MMP28: variants seen among roughly 807,000 people sequenced by gnomAD.
The protein encoded by MMP28 is matrix metallopeptidase 28, also known as matrix metalloproteinase-28.
Under a neutral mutation model 60.5 loss-of-function variants are expected in MMP28, and 55 were observed. The observed-to-expected ratio is 0.91, with a 90% CI of 0.73 to 1.14. MMP28 has a LOEUF of 1.14. MMP28 is among the 50% of genes most tolerant of loss of function. The pLI is 0.00. For synonymous variants in MMP28, 318 were observed against 312.5 expected (o/e 1.02, Z -0.18); for missense variants, 686 against 738.3 (o/e 0.93, Z 0.82).
intron 1 of MMP28, among the ~76,000 whole-genome samples, chr17:35,784,688 G>A (rs962448733): frequency 3.3e-5 from 5 of 152,176 alleles, no homozygotes; most frequent in Non-Finnish European, 7.4e-5. Context: ...TGGAGCTCCA[G>A]TTCTTACCCC....
chr17:35,770,995 G>A (rs906947393), intron 4 of MMP28, among the ~76,000 whole-genome samples: 1 of 152,154 alleles, frequency 6.6e-6, no homozygotes, highest in Non-Finnish European at 1.5e-5. Context: ...CAAGGCTGCG[G>A]TGAGCTGTGA....
intron 3 of MMP28, among the ~76,000 whole-genome samples, chr17:35,777,442 G>A (rs1555607905): frequency 6.6e-6 from 1 of 152,192 alleles, no homozygotes; most frequent in African/African-American, 2.4e-5. Flanking sequence ...TGGGCATATA[G>A]GTGAAGCAGA....
chr17:35,773,518 C>T (rs1224984240), intron 3 of MMP28, 114 bp from the exon 4 acceptor site: 20 of 936,812 alleles, frequency 2.1e-5, no homozygotes, highest in East Asian at 1.3e-4. Context: ...CCTCGTCTGA[C>T]GGGGAAGACA....
chr17:35,795,630 C>G lies in MMP28; in HGVS notation c.-253G>C. Reference sequence around the variant, plus strand: ...CCGCGGGTCCGCCGGCCCCGGGGACCGAGGGAGGGAGGAAGGAAAGGCAGG... The same window carrying G: ...CCGCGGGTCCGCCGGCCCCGGGGACGGAGGGAGGGAGGAAGGAAAGGCAGG... On this transcript the variant is annotated 5_prime_UTR_variant, in exon 1 of 8. Transcript: ENST00000605424. 1 of 341,868 alleles carries G rather than the reference C, an allele frequency of 2.9e-6. No individual in the cohort carries two copies. Among genetic ancestry groups the G allele is most frequent in the Non-Finnish European group, 5.3e-6 (1 of 189,518 alleles). 21.2% of individuals were successfully genotyped at this position (341,868 alleles called of 1,614,324 possible).
rs762709550 is a variant in MMP28 at position 35,766,598 on chromosome 17, C to G, written c.1465G>C (p.Asp489His). The G allele has an allele frequency of 4.3e-6, 7 of 1,612,456 alleles. No homozygotes were observed. The South Asian group carries it at 5.5e-5, about 13-fold the overall frequency. The change falls in exon 8 of 8, where the codon GAC becomes CAC. Residue 489 changes from aspartate to histidine, a missense_variant. Asp to His is a moderately conservative substitution (Grantham distance 81). Transcript: ENST00000605424. The surrounding 1 kb of genome is among the most constrained non-coding windows in gnomAD (Gnocchi z 4.3). ...GTGGTTGCCTGCAGTTTGGCCTGGT[C>G]GAGGCGCCAGTAGCGGTCATCTCGG... ...FFRDDRYWRL[D>H]QAKLQATTSG...
At position 35,782,057 on chromosome 17, in the gene MMP28, T is replaced by C. The variant is rs189057972; in HGVS notation, c.112-2734A>G. Among the ~76,000 whole-genome samples, 30 of 149,984 alleles carry C rather than the reference T, an allele frequency of 2.0e-4. No homozygotes were observed. The East Asian group carries it at 4.7e-3, about 23-fold the overall frequency. ...TACCATGTTGTATTTCTCTCTTTTT[T>C]TTTTTTTTTTTTGAGACAGAGTCTC... On this transcript the variant is annotated intron_variant, in intron 1 of 7. Coordinates refer to ENST00000605424, the MANE Select transcript of MMP28 (RefSeq NM_024302.5).
At chr17:35,768,605 A>G (rs376624230) in intron 5 of MMP28, among the ~76,000 whole-genome samples, 68 of 152,094 alleles carry the variant, frequency 4.5e-4, no homozygotes, top group African/African-American at 1.4e-3. Flanking sequence ...TGAGGTTAGG[A>G]GTTTGAGACC....
intron 2 of MMP28, among the ~76,000 whole-genome samples, chr17:35,759,265 G>A (rs2085774791): frequency 6.6e-6 from 1 of 152,184 alleles, no homozygotes; most frequent in Non-Finnish European, 1.5e-5. Context: ...AATTCTCCTT[G>A]AGCCTTTTGT....
At chr17:35,763,506 G>C (rs377068852), downstream of MMP28, among the ~76,000 whole-genome samples, 1 of 142,512 alleles carries the variant, frequency 7.0e-6, no homozygotes, top group South Asian at 2.2e-4. Flanking sequence ...CACTGGTCTC[G>C]AACTCTTGAG....
chr17:35,779,225 C>T lies in MMP28; in HGVS notation c.191+19G>A. 1 of 1,602,964 alleles carries T rather than the reference C, an allele frequency of 6.2e-7. No individual in the cohort carries two copies. The highest frequency in any genetic ancestry group is 8.5e-7 in the Non-Finnish European group (1 of 1,174,770). Reference sequence around the variant, plus strand: ...TCCTAGCACCCCTACCCCAAGTCCTCCACATCCCTCCACCCTACCTGATGG... The same window carrying T: ...TCCTAGCACCCCTACCCCAAGTCCTTCACATCCCTCCACCCTACCTGATGG... On this transcript the variant is annotated intron_variant, in intron 2 of 7. Transcript: ENST00000605424.
At chr17:35,785,997 A>G (rs1555610368) in intron 1 of MMP28, among the ~76,000 whole-genome samples, 1 of 151,764 alleles carries the variant, frequency 6.6e-6, no homozygotes, top group African/African-American at 2.4e-5. Context: ...CTCTATGTTC[A>G]TGGAGCTTTA....
At chr17:35,768,010 A>G in intron 6 of MMP28, 91 bp from the exon 7 acceptor site, 13 of 1,422,244 alleles carry the variant, frequency 9.1e-6, no homozygotes, top group Non-Finnish European at 1.2e-5. Context: ...AGTTTCCCAA[A>G]TGGACAAGCA....
chr17:35,773,897 G>T (rs2086247191), intron 3 of MMP28, among the ~76,000 whole-genome samples: 1 of 152,088 alleles, frequency 6.6e-6, no homozygotes, highest in African/African-American at 2.4e-5. Flanking sequence ...CTCTCTTCAG[G>T]CCTCACACCC....
intron 1 of MMP28, among the ~76,000 whole-genome samples, chr17:35,787,171 A>C (rs2086676371): frequency 1.3e-5 from 2 of 152,218 alleles, no homozygotes; most frequent in East Asian, 1.9e-4. Context: ...GGGTTAGAGC[A>C]GAGGAAAGAA....
At chr17:35,769,954 G>T (rs1466503923) in intron 5 of MMP28, 113 bp downstream of exon 5, 3 of 1,354,648 alleles carry the variant, frequency 2.2e-6, no homozygotes, top group African/African-American at 1.5e-5. Context: ...CGACAGGGAG[G>T]CCAGATCTAT....
Position 35,767,931 on chromosome 17 carries a change from CAA to C in MMP28, c.1001-14_1001-13del, listed in dbSNP as rs754978633. ...TTGCTGTTGCCTGTCTGCCCAGAGA[CAA>C]GAGAGAGTTGAGGAGTGACCATCAG... On this transcript the variant is annotated splice_polypyrimidine_tract_variant and intron_variant, in intron 6 of 7. Coordinates refer to ENST00000605424, the MANE Select transcript of MMP28 (RefSeq NM_024302.5). 1.2e-5 allele frequency: 19 copies of C among 1,564,922 alleles called. No homozygotes were observed. The Admixed American group carries it at 1.5e-4, about 12-fold the overall frequency.
intron 7 of MMP28, 151 bp from the exon 8 acceptor site, chr17:35,767,045 A>G (rs754019563): frequency 2.6e-6 from 2 of 777,754 alleles, no homozygotes; most frequent in South Asian, 2.9e-5. Flanking sequence ...ACTACAAATT[A>G]GTTATAAATA....
chr17:35,775,020 T>A (rs549946623), intron 3 of MMP28, among the ~76,000 whole-genome samples: 1 of 152,276 alleles, frequency 6.6e-6, no homozygotes, highest in South Asian at 2.1e-4. Flanking sequence ...TCTTTGCAGC[T>A]AGTGGGGTCC....
chr17:35,770,109 G>A lies in MMP28; in HGVS notation c.808C>T (p.Leu270=). 6.2e-7 allele frequency: 1 copy of A among 1,603,818 alleles called. No individual in the cohort carries two copies. The highest frequency in any genetic ancestry group is 8.5e-7 in the Non-Finnish European group (1 of 1,175,962). Residue 270 remains leucine (L), a synonymous_variant, in exon 5 of 8, where the codon CTG becomes TTG. Transcript: ENST00000605424. ...GCCAGCACGTCGTCCCAGCTGAGCA[G>A]CGCGTCGCGGCCCAGCCTCTTGTAG... is the stretch of plus-strand genomic sequence containing the variant. ...PYYKRLGRDA[L]LSWDDVLAVQ... is the part of the protein sequence containing the mutation.
Sources: gnomAD v4.1 joint callset for allele counts (sites outside exome capture counted in the v4.1 genomes callset) on GRCh38, gnomAD v4.1.1 for gene constraint, Gnocchi (gnomAD v3.1) non-coding constraint, MANE v1.5 for transcripts, NCBI Gene and HGNC (gene_info 2026-07-23, HGNC 2026-07-21) for gene names.